The following ACSM3 variants were observed in gnomAD, a reference collection of about 807,000 sequenced individuals.
ACSM3 encodes acyl-coenzyme A synthetase ACSM3, mitochondrial.
A neutral mutation model predicts 74.1 loss-of-function variants in ACSM3; 61 were observed. The ratio of observed to expected loss-of-function variants is 0.82; its 90% CI spans 0.67 to 1.02. ACSM3 has a LOEUF of 1.02. ACSM3 is among the 50% of genes least tolerant of loss of function. ACSM3 has a pLI of 0.00. For missense variants in ACSM3, 660 were observed against 697.0 expected, an observed-to-expected ratio of 0.95 and a Z score of 0.60; for synonymous variants, 213 against 241.5, an observed-to-expected ratio of 0.88 and a Z score of 1.09.
rs760002342 is a variant in ACSM3 at position 20,786,069 on chromosome 16, C to A, written c.1144-9C>A. 1.4e-5 allele frequency: 22 copies of A among 1,518,712 alleles called. No individual in the cohort carries two copies. Among genetic ancestry groups the A allele is most frequent in the Non-Finnish European group, 2.0e-5 (22 of 1,123,634 alleles). The allele number at this position is 1,518,712 out of a possible 1,614,324, so 94.1% of individuals were successfully genotyped here. A position where few individuals can be genotyped will look rare whatever the true frequency, so the allele number is the denominator to read the frequency against. ...TAATGTTATCTTACTTTTTCTTCTT[C>A]TTAACTAGGTGCTAATCTGTGGAAA... On this transcript the variant is annotated splice_polypyrimidine_tract_variant and intron_variant, in intron 8 of 13. Coordinates refer to ENST00000289416, the MANE Select transcript of ACSM3 (RefSeq NM_005622.4).
chr16:20,765,989 G>A (rs1487611467), intron 1 of ACSM3, among the ~76,000 whole-genome samples: 1 of 152,072 alleles, frequency 6.6e-6, no homozygotes, highest in East Asian at 1.9e-4. Context: ...CTTGTCTCTT[G>A]CATTCCCTCC....
chr16:20,696,685 G>A (rs1567318073), intron 1 of ACSM3, among the ~76,000 whole-genome samples: 1 of 152,166 alleles, frequency 6.6e-6, no homozygotes, highest in Non-Finnish European at 1.5e-5. Context: ...CATTCTGAAA[G>A]CAATTTGACA....
chr16:20,762,807 T>C (rs1162065526), upstream of ACSM3, among the ~76,000 whole-genome samples: 1 of 152,214 alleles, frequency 6.6e-6, no homozygotes, highest in Non-Finnish European at 1.5e-5. Flanking sequence ...AACCTACTAC[T>C]AATATTGTAC....
chr16:20,768,834 G>A (rs1328586183), intron 1 of ACSM3, among the ~76,000 whole-genome samples: 1 of 152,128 alleles, frequency 6.6e-6, no homozygotes, highest in African/African-American at 2.4e-5. Flanking sequence ...GGTGAAAAAG[G>A]AAAAAGCTGA....
rs188063884 is a variant in ACSM3 at position 20,692,923 on chromosome 16, C to A, written c.-190+18101C>A. On this transcript the variant is annotated intron_variant, in intron 1 of 3. Coordinates refer to the ACSM3 transcript ENST00000561584. ...CAGTGGCTCATGCCTATAATCCCAG[C>A]CCTTTGGGAGGCTGAGGCAGGTGGA... 4.6e-5 allele frequency among the ~76,000 whole-genome samples: 7 copies of A among 152,178 alleles called. No individual in the cohort carries two copies. The East Asian group carries it at 1.2e-3, about 25-fold the overall frequency.
Position 20,794,779 on chromosome 16 carries a change from C to A in ACSM3, c.1555-1591C>A, listed in dbSNP as rs142404681. 5.0e-3 allele frequency among the ~76,000 whole-genome samples: 766 copies of A among 152,280 alleles called. 2 individuals are homozygous for A. Among genetic ancestry groups the A allele is most frequent in the Admixed American group, 9.4e-3 (144 of 15,296 alleles). On this transcript the variant is annotated intron_variant, in intron 12 of 13. Transcript: ENST00000289416. ...TTTTACAGAGAAGGAAACTGAGGCA[C>A]AAAGAGATTACCTAACTTGTCCAAC...
At chr16:20,706,032 T>C (rs1050141052) in intron 1 of ACSM3, among the ~76,000 whole-genome samples, 15 of 151,896 alleles carry the variant, frequency 9.9e-5, no homozygotes, top group African/African-American at 3.6e-4. Flanking sequence ...GTCTTAAGAA[T>C]AGAGAGAAAA....
chr16:20,683,234 C>CA (rs560888670), intron 1 of ACSM3, among the ~76,000 whole-genome samples: 182 of 152,218 alleles, frequency 1.2e-3, no homozygotes, highest in African/African-American at 4.2e-3. Flanking sequence ...TGTCCTGTCT[C>CA]AGCCTCTCCA....
In ACSM3 at chr16:20,784,986, A is replaced by AT. The variant is rs1426848695; in HGVS notation, c.1023dup (p.Lys342Ter). The AT allele has an allele frequency of 6.2e-7, 1 of 1,611,102 alleles. No homozygotes were observed. The highest frequency in any genetic ancestry group is 1.3e-5 in the African/African-American group (1 of 74,784). On this transcript the variant is annotated frameshift_variant, in exon 8 of 14. Coordinates refer to ENST00000289416, the MANE Select transcript of ACSM3 (RefSeq NM_005622.4). LOFTEE classifies it high-confidence loss of function. ...AACTTATCTGGTTTTCTGAGAAGCT[A>AT]TAAGTTTAAAAGCTTAAAGCACTGT...
chr16:20,677,095 G>A (rs2152290998), intron 1 of ACSM3, among the ~76,000 whole-genome samples: 1 of 152,088 alleles, frequency 6.6e-6, no homozygotes, highest in South Asian at 2.1e-4. Context: ...TCAAATAAGA[G>A]AGTTCCTAAG....
At position 20,770,220 on chromosome 16, in the gene ACSM3, A is replaced by C; in HGVS notation, c.186A>C (p.Lys62Asn). 1 of 1,614,182 alleles carries C rather than the reference A, an allele frequency of 6.2e-7. No individual in the cohort carries two copies. Among genetic ancestry groups the C allele is most frequent in the Non-Finnish European group, 8.5e-7 (1 of 1,180,024 alleles). Residue 62 changes from lysine to asparagine, a missense_variant, in exon 2 of 14, where the codon AAA (lysine) becomes AAC (asparagine). Transcript: ENST00000289416. Reference sequence around the variant, plus strand: ...TTCCAGAGTATTTCAACTTTGCTAAAGATGTCCTGGACCAATGGACTGATA... The same window carrying C: ...TTCCAGAGTATTTCAACTTTGCTAACGATGTCCTGGACCAATGGACTGATA... ...LGIPEYFNFA[K>N]DVLDQWTDKE...
intron 2 of ACSM3, among the ~76,000 whole-genome samples, chr16:20,772,781 G>A (rs1399197594): frequency 6.6e-6 from 1 of 152,002 alleles, no homozygotes; most frequent in African/African-American, 2.4e-5. Context: ...ATGATTTGAA[G>A]TTAGGAAGTG....
chr16:20,714,605 A>G (rs780739468), intron 1 of ACSM3, among the ~76,000 whole-genome samples: 20 of 152,272 alleles, frequency 1.3e-4, no homozygotes, highest in Non-Finnish European at 2.8e-4. Context: ...GGACTTAGAG[A>G]ATATTGGATG....
intron 1 of ACSM3, chr16:20,736,722 C>CT: frequency 1.4e-6 from 1 of 719,042 alleles, no homozygotes; most frequent in Non-Finnish European, 2.2e-6. Flanking sequence ...CCTAAAAAAA[C>CT]TGTTAACAGG....
chr16:20,790,782 C>T lies in ACSM3; in HGVS notation c.1326+94C>T. 3 of 1,613,280 alleles carry T rather than the reference C, an allele frequency of 1.9e-6. No individual in the cohort carries two copies. Among genetic ancestry groups the T allele is most frequent in the African/African-American group, 1.3e-5 (1 of 75,006 alleles). On this transcript the variant is annotated intron_variant, in intron 10 of 13. Coordinates refer to ENST00000289416, the MANE Select transcript of ACSM3 (RefSeq NM_005622.4). The surrounding 1 kb of genome is among the most constrained non-coding windows in gnomAD (Gnocchi z 4.0). ...CCACAAAACATACCTAGGATAGGTA[C>T]TTGACCCTTTCTTGAGAGATTGGTT...
chr16:20,790,000 T>C (rs1194435909), intron 9 of ACSM3, among the ~76,000 whole-genome samples: 2 of 152,114 alleles, frequency 1.3e-5, no homozygotes, highest in African/African-American at 2.4e-5. Flanking sequence ...GATTTATCTA[T>C]ATTGTCTCAA....
At chr16:20,720,066 A>C (rs2079779987) in intron 1 of ACSM3, among the ~76,000 whole-genome samples, 1 of 152,214 alleles carries the variant, frequency 6.6e-6, no homozygotes, top group Non-Finnish European at 1.5e-5. Flanking sequence ...TTATTTTGCT[A>C]ACTGGCCTGA....
intron 2 of ACSM3, 25 bp downstream of exon 2, chr16:20,770,278 C>T (rs781731883): frequency 4.4e-6 from 7 of 1,579,764 alleles, no homozygotes; most frequent in Non-Finnish European, 6.1e-6. Context: ...CCAGTCAGAC[C>T]ACAATTTCTC....
chr16:20,783,502 A>C (rs1355723336), intron 7 of ACSM3: 2 of 152,186 alleles, frequency 1.3e-5, no homozygotes, highest in East Asian at 1.9e-4. Flanking sequence ...GTACTAAAAA[A>C]GTTTCAGATT....
Sources: allele counts gnomAD v4.1 joint callset (sites outside exome capture counted in the v4.1 genomes callset), GRCh38; gene constraint gnomAD v4.1.1; non-coding constraint Gnocchi (gnomAD v3.1); transcripts MANE v1.5; gene names NCBI Gene and HGNC (gene_info 2026-07-23, HGNC 2026-07-21).